Variants in USH2A observed in about 807,000 individuals in gnomAD.
The protein encoded by USH2A is usherin.
In USH2A, 443 loss-of-function variants were observed where a neutral mutation model predicts 538.9. That is an observed-to-expected ratio of 0.82 (90% CI 0.76 to 0.89). The LOEUF is 0.89. Among genes scored for constraint, USH2A ranks in the 40% least tolerant of loss-of-function variants. The pLI, the probability that USH2A is intolerant of heterozygous loss-of-function variation, is 0.00. For synonymous variants in USH2A, 2,413 were observed against 2,273.5 expected (o/e 1.06, Z -1.75); for missense variants, 6,633 against 6,324.8 (o/e 1.05, Z -1.65).
At chr1:215,905,919 G>T (rs748030852) in intron 38 of USH2A, among the ~76,000 whole-genome samples, 9 of 152,006 alleles carry the variant, frequency 5.9e-5, no homozygotes, top group Non-Finnish European at 1.2e-4. Context: ...TGAATAGCCT[G>T]GCACATATTC....
chr1:215,891,328 C>G (rs972116518), intron 40 of USH2A, among the ~76,000 whole-genome samples: 1 of 152,158 alleles, frequency 6.6e-6, no homozygotes, highest in African/African-American at 2.4e-5. Context: ...GGTCCTTTAA[C>G]TTGTGTGATT....
intron 8 of USH2A, among the ~76,000 whole-genome samples, chr1:216,323,263 T>A (rs2037652119): frequency 7.6e-6 from 1 of 130,828 alleles, no homozygotes; most frequent in Non-Finnish European, 1.6e-5. Flanking sequence ...TATATTTATT[T>A]ATAAAATACG....
intron 11 of USH2A, among the ~76,000 whole-genome samples, chr1:216,278,727 C>T (rs2036717335): frequency 6.6e-6 from 1 of 152,120 alleles, no homozygotes; most frequent in Non-Finnish European, 1.5e-5. Context: ...TCTATTTGTA[C>T]ACTTTAATAT....
At chr1:216,228,708 G>A (rs1254136586) in intron 14 of USH2A, among the ~76,000 whole-genome samples, 1 of 152,056 alleles carries the variant, frequency 6.6e-6, no homozygotes, top group East Asian at 1.9e-4. Context: ...CCAGTCTCAG[G>A]TATGTCTTTA....
intron 21 of USH2A, among the ~76,000 whole-genome samples, chr1:216,147,893 C>G (rs563187789): frequency 0.017 from 2,561 of 148,520 alleles, 28 homozygotes; most frequent in South Asian, 0.027. Context: ...CGCGTCCCAT[C>G]TGTGTGGGAC....
At chr1:215,989,424 G>T (rs1667953522) in intron 35 of USH2A, among the ~76,000 whole-genome samples, 1 of 152,082 alleles carries the variant, frequency 6.6e-6, no homozygotes, top group African/African-American at 2.4e-5. Context: ...TCCCCACCTT[G>T]TGAGAATTCA....
intron 49 of USH2A, among the ~76,000 whole-genome samples, chr1:215,799,493 T>C (rs549596983): frequency 6.6e-6 from 1 of 152,320 alleles, no homozygotes; most frequent in East Asian, 1.9e-4. Flanking sequence ...TAAATTTATA[T>C]TGCTTATGAC....
intron 64 of USH2A, among the ~76,000 whole-genome samples, chr1:215,665,785 T>C (rs1403478171): frequency 6.7e-6 from 1 of 149,420 alleles, no homozygotes; most frequent in Admixed American, 6.6e-5. Flanking sequence ...TAAAAAAATC[T>C]TCTTGGATTT....
chr1:215,794,130 C>G (rs756702889), intron 50 of USH2A, among the ~76,000 whole-genome samples: 3 of 152,036 alleles, frequency 2.0e-5, no homozygotes, highest in African/African-American at 7.2e-5. Flanking sequence ...ACGCATCTGC[C>G]CAGAGAGAGC....
chr1:216,058,589 G>A (rs1273619870), intron 30 of USH2A, among the ~76,000 whole-genome samples: 2 of 127,748 alleles, frequency 1.6e-5, no homozygotes, highest in African/African-American at 3.3e-5. Context: ...GTCTTTATTA[G>A]TTATTTATTA....
Position 216,046,492 on chromosome 1 carries a change from G to A in USH2A, c.6264C>T (p.Tyr2088=). Reference sequence around the variant, plus strand: ...TCAGCCTCCCATCCATGTATAAACAGTACTGAGTTATAATACCATTTGCCT... The same window carrying A: ...TCAGCCTCCCATCCATGTATAAACAATACTGAGTTATAATACCATTTGCCT... ...PKKANGIITQ[Y]CLYMDGRLIY... The change falls in exon 32 of 72, where the codon TAC becomes TAT. Residue 2088 remains tyrosine (Y), a synonymous_variant. Transcript: ENST00000307340. The A allele has an allele frequency of 6.2e-7, 1 of 1,613,860 alleles. No individual in the cohort carries two copies.
intron 9 of USH2A, among the ~76,000 whole-genome samples, chr1:216,313,707 C>T (rs1035034809): frequency 2.1e-4 from 32 of 151,940 alleles, no homozygotes; most frequent in Non-Finnish European, 1.5e-5. Context: ...TGAGAGTCTG[C>T]TGGTGATAAT....
At chr1:216,145,874 C>T (rs910644314) in intron 21 of USH2A, among the ~76,000 whole-genome samples, 1 of 152,068 alleles carries the variant, frequency 6.6e-6, no homozygotes, top group Non-Finnish European at 1.5e-5. Flanking sequence ...TGCCAGAGAA[C>T]AAACCCCCTT....
chr1:216,143,080 C>T (rs78712854), intron 21 of USH2A, among the ~76,000 whole-genome samples: 9 of 152,218 alleles, frequency 5.9e-5, no homozygotes, highest in Admixed American at 2.0e-4. Flanking sequence ...CAAGGCCCTT[C>T]ATCATTTTTT....
chr1:216,406,415 T>A (rs1348750028), intron 3 of USH2A, among the ~76,000 whole-genome samples: 1 of 152,196 alleles, frequency 6.6e-6, no homozygotes, highest in Non-Finnish European at 1.5e-5. Context: ...ATGGTGATAC[T>A]TTCATGGGCA....
intron 11 of USH2A, among the ~76,000 whole-genome samples, chr1:216,274,552 C>G (rs964655222): frequency 2.0e-5 from 3 of 152,060 alleles, no homozygotes; most frequent in African/African-American, 7.2e-5. Context: ...ATTAATGTAA[C>G]AGGCTACCTT....
intron 21 of USH2A, chr1:216,174,793 C>G: frequency 1.0e-6 from 1 of 998,928 alleles, no homozygotes; most frequent in Non-Finnish European, 1.2e-6. Flanking sequence ...GAAAACATTA[C>G]ATCAAATATC....
intron 50 of USH2A, among the ~76,000 whole-genome samples, chr1:215,796,570 C>T (rs528187830): frequency 5.1e-4 from 78 of 152,172 alleles, no homozygotes; most frequent in African/African-American, 1.8e-3. Context: ...GACTGTTTCA[C>T]AGACCAGCCG....
intron 16 of USH2A, chr1:216,203,929 C>A (rs1345172766): frequency 1.9e-5 from 3 of 157,576 alleles, no homozygotes; most frequent in Non-Finnish European, 4.4e-5. Context: ...AAATGAGGAA[C>A]AACTCATCTG....
Sources: allele counts gnomAD v4.1 joint callset (sites outside exome capture counted in the v4.1 genomes callset), GRCh38; gene constraint gnomAD v4.1.1; transcripts MANE v1.5; gene names NCBI Gene and HGNC (gene_info 2026-07-23, HGNC 2026-07-21).